CPA6: variants seen among roughly 807,000 people sequenced by gnomAD.
CPA6 encodes carboxypeptidase B.
In CPA6, 58 loss-of-function variants were observed where a neutral mutation model predicts 63.3. That is an observed-to-expected ratio of 0.92 (90% CI 0.74 to 1.14). The LOEUF is 1.14. Among genes scored for constraint, CPA6 ranks in the 50% most tolerant of loss-of-function variants. The pLI, the probability that CPA6 is intolerant of heterozygous loss-of-function variation, is 0.00. For synonymous variants in CPA6, 185 were observed against 179.0 expected (o/e 1.03, Z -0.27); for missense variants, 565 against 526.6 (o/e 1.07, Z -0.71).
intron 10 of CPA6, among the ~76,000 whole-genome samples, chr8:67,425,463 C>A (rs887432057): frequency 6.6e-6 from 1 of 151,786 alleles, no homozygotes; most frequent in Non-Finnish European, 1.5e-5. Flanking sequence ...CAACCTCTGT[C>A]CCCCTGGTTC....
chr8:67,454,274 A>C (rs568809330), intron 8 of CPA6, among the ~76,000 whole-genome samples: 1 of 152,350 alleles, frequency 6.6e-6, no homozygotes, highest in South Asian at 2.1e-4. Flanking sequence ...TTTTACTAAA[A>C]TGCAAAGAAA....
At chr8:67,541,542 G>C (rs1322868705) in intron 2 of CPA6, among the ~76,000 whole-genome samples, 1 of 152,080 alleles carries the variant, frequency 6.6e-6, no homozygotes, top group Non-Finnish European at 1.5e-5. Context: ...AATCGATCAC[G>C]ATCCTCTCTT....
intron 1 of CPA6, among the ~76,000 whole-genome samples, chr8:67,716,695 C>G (rs1563405971): frequency 1.3e-5 from 2 of 152,126 alleles, no homozygotes; most frequent in Non-Finnish European, 2.9e-5. Context: ...ATTTTTAAAT[C>G]TTTGTAGCTA....
Position 67,584,681 on chromosome 8 carries a change from G to A in CPA6, c.192+39495C>T, listed in dbSNP as rs142460076. Reference sequence around the variant, plus strand: ...TATAGTGCTGGAGTGGAGTAGGGCTGAGAATGGGGTTGGATCTTCTATGGT... The same window carrying A: ...TATAGTGCTGGAGTGGAGTAGGGCTAAGAATGGGGTTGGATCTTCTATGGT... On this transcript the variant is annotated intron_variant, in intron 2 of 10. Transcript: ENST00000297770. 2.5e-4 allele frequency among the ~76,000 whole-genome samples: 38 copies of A among 152,290 alleles called. No homozygotes were observed. In the East Asian group the frequency reaches 3.5e-3, roughly 14 times the overall value.
intron 1 of CPA6, among the ~76,000 whole-genome samples, chr8:67,684,614 G>A (rs1816672982): frequency 6.6e-6 from 1 of 152,138 alleles, no homozygotes; most frequent in Non-Finnish European, 1.5e-5. Flanking sequence ...CTGGAAATCT[G>A]GGCTTCCGTA....
intron 1 of CPA6, among the ~76,000 whole-genome samples, chr8:67,702,880 CCAAGTTGCCTG>C: frequency 6.6e-6 from 1 of 152,244 alleles, no homozygotes; most frequent in South Asian, 2.1e-4. Context: ...CTTGAATCTC[CCAAGTTGCCTG>C]CTTGGCCCTC....
intron 1 of CPA6, among the ~76,000 whole-genome samples, chr8:67,718,284 T>A (rs975998887): frequency 6.6e-6 from 1 of 152,114 alleles, no homozygotes. Context: ...AATTGTGAGG[T>A]ATTTTTTTTT....
intron 2 of CPA6, among the ~76,000 whole-genome samples, chr8:67,551,442 A>G (rs148818824): frequency 9.9e-5 from 15 of 152,266 alleles, no homozygotes; most frequent in African/African-American, 3.1e-4. Context: ...TATAGTTTGA[A>G]ATCAGGTAAT....
intron 2 of CPA6, among the ~76,000 whole-genome samples, chr8:67,539,833 GT>G (rs1439948564): frequency 6.6e-6 from 1 of 152,100 alleles, no homozygotes; most frequent in African/African-American, 2.4e-5. Flanking sequence ...CTTGTGCTGT[GT>G]TTTTCAACTC....
At chr8:67,425,327 G>A (rs1809859182) in intron 10 of CPA6, among the ~76,000 whole-genome samples, 1 of 151,710 alleles carries the variant, frequency 6.6e-6, no homozygotes, top group Non-Finnish European at 1.5e-5. Flanking sequence ...AAAAAATAAC[G>A]CTTTTATGCT....
At chr8:67,539,063 C>A (rs1812650612) in intron 2 of CPA6, among the ~76,000 whole-genome samples, 1 of 152,042 alleles carries the variant, frequency 6.6e-6, no homozygotes, top group African/African-American at 2.4e-5. Context: ...GTTATTTTGC[C>A]CATTAGTTGA....
At chr8:67,576,779 C>G in intron 2 of CPA6, among the ~76,000 whole-genome samples, 1 of 152,060 alleles carries the variant, frequency 6.6e-6, no homozygotes, top group East Asian at 1.9e-4. Context: ...TTTCCCCCAA[C>G]ATAAAGCCGC....
intron 2 of CPA6, chr8:67,569,802 G>T: frequency 5.0e-6 from 1 of 200,830 alleles, no homozygotes; most frequent in South Asian, 8.4e-5. Flanking sequence ...CTGAGATTGA[G>T]GTTTATCTCA....
chr8:67,645,958 C>T (rs1364680768), intron 1 of CPA6, among the ~76,000 whole-genome samples: 1 of 152,160 alleles, frequency 6.6e-6, no homozygotes, highest in Non-Finnish European at 1.5e-5. Flanking sequence ...TGCATTTCTA[C>T]CCTGCCTTAA....
chr8:67,580,051 A>G (rs1813727779), intron 2 of CPA6, among the ~76,000 whole-genome samples: 4 of 152,202 alleles, frequency 2.6e-5, no homozygotes, highest in Non-Finnish European at 5.9e-5. Context: ...AAGGTTGTTT[A>G]TTGTCCACCT....
At chr8:67,546,375 G>T (rs1427544117) in intron 2 of CPA6, among the ~76,000 whole-genome samples, 1 of 152,194 alleles carries the variant, frequency 6.6e-6, no homozygotes, top group East Asian at 1.9e-4. Flanking sequence ...GCTCATTAAA[G>T]ATTTGTTGTT....
At chr8:67,588,072 C>T (rs534013668) in intron 2 of CPA6, among the ~76,000 whole-genome samples, 21 of 152,170 alleles carry the variant, frequency 1.4e-4, no homozygotes, top group East Asian at 5.8e-4. Context: ...GTAACTACTG[C>T]GCCACCTCAT....
chr8:67,610,482 A>T (rs1814777643), intron 2 of CPA6, among the ~76,000 whole-genome samples: 1 of 152,168 alleles, frequency 6.6e-6, no homozygotes, highest in Non-Finnish European at 1.5e-5. Context: ...TGACTTTTTA[A>T]TATTTGCTGT....
chr8:67,453,650 G>C (rs1810605783), intron 8 of CPA6, among the ~76,000 whole-genome samples: 1 of 152,148 alleles, frequency 6.6e-6, no homozygotes, highest in Non-Finnish European at 1.5e-5. Flanking sequence ...AACATTAAGA[G>C]TGTAGGGAAA....
Sources: gnomAD v4.1 joint callset for allele counts (sites outside exome capture counted in the v4.1 genomes callset) on GRCh38, gnomAD v4.1.1 for gene constraint, MANE v1.5 for transcripts, NCBI Gene and HGNC (gene_info 2026-07-23, HGNC 2026-07-21) for gene names.